CPAMD8: variants seen among roughly 807,000 people sequenced by gnomAD.
CPAMD8 encodes C3 and PZP-like alpha-2-macroglobulin domain-containing protein 8.
In CPAMD8, 146 loss-of-function variants were observed where a neutral mutation model predicts 224.7. The ratio of observed to expected loss-of-function variants is 0.65; its 90% CI spans 0.57 to 0.75. The LOEUF (loss-of-function observed/expected upper bound fraction) is 0.75. CPAMD8 is among the 30% of genes least tolerant of loss of function. CPAMD8 has a pLI of 0.00. For missense variants in CPAMD8, 2,301 were observed against 2,537.5 expected (o/e 0.91, Z 2.00); for synonymous variants, 966 against 1,044.6 (o/e 0.92, Z 1.45).
At chr19:16,969,885 AAAAAC>A (rs2054989517) in intron 18 of CPAMD8, among the ~76,000 whole-genome samples, 1 of 150,338 alleles carries the variant, frequency 6.7e-6, no homozygotes, top group Non-Finnish European at 1.5e-5. Context: ...AAAAAAAAAA[AAAAAC>A]AAAAACAACG....
rs372816883 is a variant in CPAMD8, at chr19:16,947,114, G to A, written c.2622C>T (p.Val874=). 641 of 1,613,234 alleles carry A rather than the reference G, an allele frequency of 4.0e-4. No individual in the cohort carries two copies. The highest frequency in any genetic ancestry group is 4.9e-4 in the Non-Finnish European group (575 of 1,179,502). ...GTCCCAGGTCGCTGAAGGACAGAAC[G>A]ACCCAGATGGGCTCAGCCTCCCCGG... ...VAPGEAEPIW[V]VLSFSDLGLN... Residue 874 remains valine, a synonymous_variant, in exon 21 of 42, where the codon GTC becomes GTT. Coordinates refer to ENST00000443236, the MANE Select transcript of CPAMD8 (RefSeq NM_015692.5).
intron 13 of CPAMD8, among the ~76,000 whole-genome samples, chr19:16,988,360 C>T (rs1406977012): frequency 6.6e-6 from 1 of 152,124 alleles, no homozygotes; most frequent in Non-Finnish European, 1.5e-5. Flanking sequence ...CCTGTAATCC[C>T]AGCATTTTGG....
intron 27 of CPAMD8, among the ~76,000 whole-genome samples, chr19:16,916,256 C>T (rs759391677): frequency 9.7e-4 from 147 of 152,168 alleles, no homozygotes; most frequent in Non-Finnish European, 1.6e-3. Flanking sequence ...TCCAGTGATC[C>T]TCCCACAATG....
At position 17,010,027 on chromosome 19, in the gene CPAMD8, A is replaced by G. The variant is rs369683198; in HGVS notation, c.487-707T>C. Among the ~76,000 whole-genome samples the G allele has an allele frequency of 4.6e-5, 7 of 152,342 alleles. No homozygotes were observed. In the East Asian group the frequency reaches 1.4e-3, roughly 29 times the overall value. ...TGGACTTGCCAAAAATGTCAATGTCATGGAAGACACAGAAAGGCAGTGAGG... is the reference window on the plus strand; with the variant it reads ...TGGACTTGCCAAAAATGTCAATGTCGTGGAAGACACAGAAAGGCAGTGAGG... On this transcript the variant is annotated intron_variant, in intron 5 of 41. Transcript: ENST00000443236.
At chr19:16,983,035 A>T (rs959211380) in intron 13 of CPAMD8, among the ~76,000 whole-genome samples, 4 of 152,182 alleles carry the variant, frequency 2.6e-5, no homozygotes, top group African/African-American at 9.7e-5. Flanking sequence ...GTCTGCCACC[A>T]TGTAAGATGT....
chr19:17,008,703 C>CAA, intron 6 of CPAMD8, 144 bp from the exon 7 acceptor site: 2 of 884,220 alleles, frequency 2.3e-6, no homozygotes, highest in Non-Finnish European at 3.6e-6. Flanking sequence ...AACCCCGGGG[C>CAA]AAAAAAAAAG....
In CPAMD8 at chr19:16,970,017, A is replaced by G. The variant is rs145135033; in HGVS notation, c.2213+874T>C. Among the ~76,000 whole-genome samples the G allele has an allele frequency of 1.0e-2, 1,498 of 150,472 alleles. 21 individuals are homozygous for G. Among genetic ancestry groups the G allele is most frequent in the African/African-American group, 0.034 (1,398 of 40,946 alleles). On this transcript the variant is annotated intron_variant, in intron 18 of 41. Coordinates refer to ENST00000443236, the MANE Select transcript of CPAMD8 (RefSeq NM_015692.5). ...TGGGAAGCCAAGGTGGGCGAATCAC[A>G]AGGTCAGGAGATCGAGACCATCCTG...
chr19:16,903,734 T>C lies in CPAMD8; in HGVS notation c.4375A>G (p.Arg1459Gly), dbSNP rs1422938150. The change falls in exon 33 of 42, where the codon AGG becomes GGG. Residue 1459 changes from arginine (R) to glycine (G), a missense_variant. Physicochemically the swap from Arg to Gly is moderately radical, Grantham distance 125 (BLOSUM62 -2). This residue lies in a region of CPAMD8 where 1,709 missense variants were observed against 1,753.2 expected (regional missense o/e 0.97). Coordinates refer to ENST00000443236, the MANE Select transcript of CPAMD8 (RefSeq NM_015692.5). ...LDYQETFELH[R>G]TNQKVLQTAA... is the part of the protein sequence containing the mutation. ...GTCTGCAGAACCTTCTGGTTGGTCC[T>C]GTGCAGCTCGAAGGTTTCCTGGTAG... 6.2e-7 allele frequency: 1 copy of C among 1,614,212 alleles called. No homozygotes were observed. Among genetic ancestry groups the C allele is most frequent in the Non-Finnish European group, 8.5e-7 (1 of 1,180,034 alleles).
At chr19:16,929,841 T>C (rs1355464010) in intron 23 of CPAMD8, among the ~76,000 whole-genome samples, 1 of 152,224 alleles carries the variant, frequency 6.6e-6, no homozygotes, top group Non-Finnish European at 1.5e-5. Context: ...ACCATGTTCA[T>C]GGACTATCAT....
At chr19:17,025,149 G>A (rs1024945442) in intron 1 of CPAMD8, among the ~76,000 whole-genome samples, 1 of 152,196 alleles carries the variant, frequency 6.6e-6, no homozygotes, top group African/African-American at 2.4e-5. Flanking sequence ...GGTGACTCAC[G>A]CCTCTAATCC....
At chr19:16,959,390 G>T (rs964757266) in intron 18 of CPAMD8, among the ~76,000 whole-genome samples, 5 of 150,748 alleles carry the variant, frequency 3.3e-5, no homozygotes, top group Non-Finnish European at 7.4e-5. Context: ...GACCACGCTG[G>T]TCTCAAACTC....
In CPAMD8 at chr19:16,922,010, C is replaced by T. The variant is rs1179364782; in HGVS notation, c.3548-24G>A. 2.0e-6 allele frequency: 3 copies of T among 1,528,324 alleles called. No homozygotes were observed. The African/African-American group carries it at 4.1e-5, about 21-fold the overall frequency. The allele number at this position is 1,528,324 out of a possible 1,614,324, so 94.7% of individuals were successfully genotyped here. A position where few individuals can be genotyped will look rare whatever the true frequency, so the allele number is the denominator to read the frequency against. ...GCCTGTGGGGCAAGCAGAGAGGACC[C>T]TGTCCTGTTGAGTGGCCTGGCCCAG... On this transcript the variant is annotated intron_variant, in intron 26 of 41. Transcript: ENST00000443236.
At chr19:16,940,932 T>A (rs1367938089) in intron 22 of CPAMD8, among the ~76,000 whole-genome samples, 1 of 152,076 alleles carries the variant, frequency 6.6e-6, no homozygotes, top group Admixed American at 6.6e-5. Context: ...CACGGTAGTT[T>A]TTTGTTTTTT....
At chr19:16,953,461 A>G (rs908679165) in intron 19 of CPAMD8, among the ~76,000 whole-genome samples, 3 of 152,060 alleles carry the variant, frequency 2.0e-5, no homozygotes, top group Admixed American at 1.3e-4. Context: ...GCACTTTGGG[A>G]GGCCAAGGAA....
At chr19:17,022,897 G>A (rs547922593) in intron 1 of CPAMD8, among the ~76,000 whole-genome samples, 33 of 151,872 alleles carry the variant, frequency 2.2e-4, no homozygotes, top group Admixed American at 1.4e-3. Context: ...TCCTCACGGT[G>A]CACCCCGTCC....
chr19:16,907,889 G>A (rs911844801), intron 29 of CPAMD8, among the ~76,000 whole-genome samples: 6 of 152,160 alleles, frequency 3.9e-5, no homozygotes, highest in Non-Finnish European at 8.8e-5. Flanking sequence ...TTACAGGAGT[G>A]AGCCACTGCC....
At chr19:16,962,567 TGGTGTA>T in intron 18 of CPAMD8, among the ~76,000 whole-genome samples, 1 of 152,300 alleles carries the variant, frequency 6.6e-6, no homozygotes, top group East Asian at 1.9e-4. Context: ...TACGTCTGAT[TGGTGTA>T]CCTGAAAGTG....
chr19:16,969,977 G>A (rs2054995231), intron 18 of CPAMD8, among the ~76,000 whole-genome samples: 2 of 151,446 alleles, frequency 1.3e-5, no homozygotes, highest in African/African-American at 2.4e-5. Context: ...GCTCATGCCT[G>A]TAATCCCAGC....
chr19:16,938,526 A>G (rs955598060), intron 22 of CPAMD8, 80 bp from the exon 23 acceptor site: 9 of 736,474 alleles, frequency 1.2e-5, no homozygotes, highest in African/African-American at 1.8e-5. Context: ...TGGCTCTCCC[A>G]CAGCAATGAC....
Sources: allele counts gnomAD v4.1 joint callset (sites outside exome capture counted in the v4.1 genomes callset), GRCh38; gene constraint gnomAD v4.1.1; regional missense constraint gnomAD v4.1.1; transcripts MANE v1.5; gene names NCBI Gene and HGNC (gene_info 2026-07-23, HGNC 2026-07-21).